SLC4A7: variants seen among roughly 807,000 people sequenced by gnomAD.
SLC4A7 encodes the protein sodium bicarbonate cotransporter 3.
SLC4A7 carries 51 observed loss-of-function variants against 137.6 expected under a neutral mutation model. That is an observed-to-expected ratio of 0.37 (90% CI 0.30 to 0.47). SLC4A7 has a LOEUF of 0.47. SLC4A7 is among the 20% of genes least tolerant of loss of function. SLC4A7 has a pLI of 1.00. For synonymous variants in SLC4A7, 542 were observed against 518.6 expected (o/e 1.05, Z -0.61); for missense variants, 1,247 against 1,525.4 (o/e 0.82, Z 3.04).
At chr3:27,446,114 C>CTATG (rs754006357) in intron 3 of SLC4A7, among the ~76,000 whole-genome samples, 5 of 93,644 alleles carry the variant, frequency 5.3e-5, no homozygotes, top group Admixed American at 1.1e-4. Context: ...AATCATTTAA[C>CTATG]TATGTGTGTG....
At chr3:27,402,468 G>C (rs1222182542) in intron 15 of SLC4A7, among the ~76,000 whole-genome samples, 2 of 152,160 alleles carry the variant, frequency 1.3e-5, no homozygotes, top group Admixed American at 6.5e-5. Flanking sequence ...GGGAGGCCGA[G>C]GCAGGTGGAT....
chr3:27,463,617 C>A (rs1274902473), intron 1 of SLC4A7, among the ~76,000 whole-genome samples: 1 of 152,092 alleles, frequency 6.6e-6, no homozygotes, highest in East Asian at 1.9e-4. Context: ...ATAAAAAGGG[C>A]TCCCAAGAAA....
At chr3:27,465,307 A>C (rs928862588) in intron 1 of SLC4A7, among the ~76,000 whole-genome samples, 10 of 151,544 alleles carry the variant, frequency 6.6e-5, no homozygotes, top group African/African-American at 2.2e-4. Flanking sequence ...AAAAAAAAAA[A>C]AACCCACAAA....
intron 3 of SLC4A7, among the ~76,000 whole-genome samples, chr3:27,439,752 C>T (rs73822303): frequency 0.031 from 4,673 of 152,216 alleles, 250 homozygotes; most frequent in African/African-American, 0.11. Context: ...TCTTCTAGTA[C>T]AGTGTTATAT....
intron 24 of SLC4A7, among the ~76,000 whole-genome samples, chr3:27,381,267 A>G (rs2050388657): frequency 6.6e-6 from 1 of 152,214 alleles, no homozygotes; most frequent in Non-Finnish European, 1.5e-5. Context: ...GTCAAGGTCC[A>G]TATATAATTA....
chr3:27,391,745 T>C lies in SLC4A7; in HGVS notation c.3181A>G (p.Ile1061Val). Residue 1061 changes from isoleucine to valine, a missense_variant, in exon 21 of 26, where the codon ATC (isoleucine) becomes GTC (valine). Ile to Val is a conservative substitution (Grantham distance 29). Coordinates refer to ENST00000454389, the MANE Select transcript of SLC4A7 (RefSeq NM_001321103.2). The part of the protein sequence containing the change: ...LYMGVSSLKG[I>V]QLFDRIKLFG... ...ATTAAATACTTAAAACTTGCCTGGA[T>C]TCCTTTTAATGAGGAAACTCCCATA... 6.4e-7 allele frequency: 1 copy of C among 1,559,842 alleles called. No individual in the cohort carries two copies. The highest frequency in any genetic ancestry group is 8.8e-7 in the Non-Finnish European group (1 of 1,137,746).
intron 23 of SLC4A7, among the ~76,000 whole-genome samples, chr3:27,383,634 C>G (rs1346892183): frequency 2.0e-5 from 3 of 152,124 alleles, no homozygotes; most frequent in African/African-American, 7.2e-5. Context: ...TTCTCAACCC[C>G]AGCAATACTG....
In SLC4A7 at chr3:27,418,469, T is replaced by C; in HGVS notation, c.1659+17A>G. On this transcript the variant is annotated intron_variant, in intron 11 of 25. Coordinates refer to ENST00000454389, the MANE Select transcript of SLC4A7 (RefSeq NM_001321103.2). ...TAAAATAAAGTAAGTCACAGAAGAA[T>C]AGCTCTGGATTCTTACCTGAGAAGG... is the stretch of plus-strand genomic sequence containing the variant. The C allele has an allele frequency of 1.3e-6, 2 of 1,587,336 alleles. No individual in the cohort carries two copies. Among genetic ancestry groups the C allele is most frequent in the Non-Finnish European group, 1.7e-6 (2 of 1,169,434 alleles).
intron 1 of SLC4A7, among the ~76,000 whole-genome samples, chr3:27,454,667 G>A (rs1034837352): frequency 2.0e-5 from 3 of 152,114 alleles, no homozygotes; most frequent in Admixed American, 6.6e-5. Context: ...ATGACTTCAT[G>A]TCATTTAGTC....
chr3:27,466,401 G>A (rs1046895434), intron 1 of SLC4A7, among the ~76,000 whole-genome samples: 5 of 150,624 alleles, frequency 3.3e-5, no homozygotes, highest in East Asian at 2.0e-4. Context: ...GCAGTGAGCC[G>A]AGATCGCGCC....
At position 27,405,911 on chromosome 3, in the gene SLC4A7, C is replaced by T. The variant is rs1265801848; in HGVS notation, c.1942-948G>A. Among the ~76,000 whole-genome samples, 6 of 152,218 alleles carry T rather than the reference C, an allele frequency of 3.9e-5. No homozygotes were observed. The East Asian group carries it at 9.7e-4, about 24-fold the overall frequency. On this transcript the variant is annotated intron_variant, in intron 13 of 25. Transcript: ENST00000454389. ...TACAACCACCACCATTACATTCTAA[C>T]TAATTAGGCTATCAGATGATTAGCT...
chr3:27,473,654 G>A (rs983976509), intron 1 of SLC4A7, among the ~76,000 whole-genome samples: 2 of 137,614 alleles, frequency 1.5e-5, no homozygotes, highest in African/African-American at 5.4e-5. Flanking sequence ...GGTGTAGTGA[G>A]CCGAGATCAT....
chr3:27,446,395 T>G (rs1241366136), intron 3 of SLC4A7, among the ~76,000 whole-genome samples: 1 of 152,144 alleles, frequency 6.6e-6, no homozygotes, highest in East Asian at 1.9e-4. Flanking sequence ...AGACAAAAAC[T>G]TCAGGGACAT....
chr3:27,430,767 G>A (rs2056194561), intron 7 of SLC4A7, among the ~76,000 whole-genome samples: 1 of 151,878 alleles, frequency 6.6e-6, no homozygotes, highest in Non-Finnish European at 1.5e-5. Context: ...AGGGAGCAGA[G>A]GCTGCAGTGA....
intron 15 of SLC4A7, among the ~76,000 whole-genome samples, chr3:27,401,434 C>T (rs1172441203): frequency 1.3e-5 from 2 of 152,146 alleles, no homozygotes; most frequent in Non-Finnish European, 2.9e-5. Context: ...TTTCAACTAC[C>T]TAAAGCTAGA....
At chr3:27,424,855 C>T (rs1325438736) in intron 7 of SLC4A7, among the ~76,000 whole-genome samples, 1 of 152,152 alleles carries the variant, frequency 6.6e-6, no homozygotes, top group Admixed American at 6.5e-5. Context: ...AAGAAACTCA[C>T]TCCATCTCTA....
chr3:27,410,436 T>C (rs2053792251), intron 12 of SLC4A7, among the ~76,000 whole-genome samples: 1 of 152,162 alleles, frequency 6.6e-6, no homozygotes, highest in Non-Finnish European at 1.5e-5. Flanking sequence ...CCAAAAAAAC[T>C]AACATTAAGC....
At chr3:27,452,757 G>C (rs1334990368) in intron 1 of SLC4A7, among the ~76,000 whole-genome samples, 1 of 152,082 alleles carries the variant, frequency 6.6e-6, no homozygotes, top group Admixed American at 6.6e-5. Context: ...CCAAATAACT[G>C]GTAATATATT....
At chr3:27,443,219 G>T (rs151151377) in intron 3 of SLC4A7, among the ~76,000 whole-genome samples, 1 of 151,556 alleles carries the variant, frequency 6.6e-6, no homozygotes, top group Non-Finnish European at 1.5e-5. Context: ...TAGTAGAGAC[G>T]TGGTTTCACC....
Sources: allele counts gnomAD v4.1 joint callset (sites outside exome capture counted in the v4.1 genomes callset), GRCh38; gene constraint gnomAD v4.1.1; transcripts MANE v1.5; gene names NCBI Gene and HGNC (gene_info 2026-07-23, HGNC 2026-07-21).